Variants in BAHCC1 observed in about 807,000 individuals in gnomAD.
BAHCC1 encodes BAH and coiled-coil domain-containing protein 1.
A neutral mutation model predicts 88.2 loss-of-function variants in BAHCC1; 43 were observed. That is an observed-to-expected ratio of 0.49 (90% CI 0.38 to 0.63). The LOEUF (loss-of-function observed/expected upper bound fraction) is 0.63, where lower values mean the gene tolerates loss of function less well. Ranked by LOEUF, BAHCC1 falls within the 20% of genes least tolerant of loss-of-function variation. The pLI, the probability that BAHCC1 is intolerant of heterozygous loss-of-function variation, is 0.00. For synonymous variants in BAHCC1, 1,510 were observed against 745.5 expected (o/e 2.03, Z -16.71); for missense variants, 3,023 against 1,654.8 (o/e 1.83, Z -14.34).
chr17:81,446,593 G>A (rs370521178), intron 10 of BAHCC1: 5 of 201,568 alleles, frequency 2.5e-5, no homozygotes, highest in African/African-American at 1.5e-4. Flanking sequence ...ATGTCGCCCA[G>A]TCTGGAGTGC....
intron 14 of BAHCC1, among the ~76,000 whole-genome samples, chr17:81,455,024 G>C (rs1555656866): frequency 6.6e-6 from 1 of 152,226 alleles, no homozygotes; most frequent in African/African-American, 2.4e-5. Flanking sequence ...GCGGATTTGA[G>C]GATATAGGGA....
intron 2 of BAHCC1, among the ~76,000 whole-genome samples, chr17:81,416,968 C>T (rs976395387): frequency 2.0e-5 from 3 of 152,146 alleles, no homozygotes; most frequent in African/African-American, 7.2e-5. Flanking sequence ...AGGCCTTGCA[C>T]CCCCATCCGT....
At chr17:81,459,638 C>T (rs782000524) in intron 23 of BAHCC1, 34 bp downstream of exon 23, 2 of 778,554 alleles carry the variant, frequency 2.6e-6, no homozygotes, top group Non-Finnish European at 4.8e-6. Flanking sequence ...CTGGGGCAGG[C>T]CCCTCTGAGA....
chr17:81,433,626 C>T (rs2064296758), intron 3 of BAHCC1, among the ~76,000 whole-genome samples: 1 of 143,232 alleles, frequency 7.0e-6, no homozygotes, highest in Non-Finnish European at 1.5e-5. Flanking sequence ...ATCAGTCCAC[C>T]AAGGCCCCTC....
chr17:81,450,563 C>T (rs532333121), intron 11 of BAHCC1, among the ~76,000 whole-genome samples: 1 of 152,344 alleles, frequency 6.6e-6, no homozygotes, highest in East Asian at 1.9e-4. Flanking sequence ...TCCTCCTGAC[C>T]TGTGTTCAGC....
intron 4 of BAHCC1, among the ~76,000 whole-genome samples, chr17:81,438,740 A>G (rs1473714130): frequency 6.6e-6 from 1 of 152,124 alleles, no homozygotes; most frequent in Non-Finnish European, 1.5e-5. Context: ...CTCACTGCTC[A>G]GGTGGGAGCA....
chr17:81,458,166 G>A lies in BAHCC1; in HGVS notation c.5043G>A (p.Gly1681=), dbSNP rs1555657865. 5.6e-6 allele frequency: 4 copies of A among 717,796 alleles called. 1 individual carries two copies. The Middle Eastern group carries it at 7.0e-4, about 126-fold the overall frequency. The allele number at this position is 717,796 out of a possible 1,614,324, so 44.5% of individuals were successfully genotyped here. The change falls in exon 18 of 28, where the codon GGG becomes GGA. Residue 1681 remains glycine (G), a splice_region_variant and synonymous_variant. Coordinates refer to ENST00000675386, the MANE Select transcript of BAHCC1 (RefSeq NM_001377448.1). Reference sequence around the variant, plus strand: ...GACGGCCTCCTCTCCTTCCCACAGGGGCCTGCCGCCTGTCCAGCCCTGAGA... The same window carrying A: ...GACGGCCTCCTCTCCTTCCCACAGGAGCCTGCCGCCTGTCCAGCCCTGAGA... ...KKKKERQGLL[G]ACRLSSPESE...
At chr17:81,398,782 G>A (rs1306693295) in intron 1 of BAHCC1, among the ~76,000 whole-genome samples, 2 of 72,342 alleles carry the variant, frequency 2.8e-5, no homozygotes, top group Admixed American at 2.0e-4. Flanking sequence ...CGGGCCTCCG[G>A]GGCTCTGAGG....
chr17:81,444,183 T>G, intron 6 of BAHCC1, 198 bp from the exon 7 acceptor site: 1 of 605,962 alleles, frequency 1.7e-6, no homozygotes, highest in Non-Finnish European at 2.9e-6. Context: ...GCACTGAGGC[T>G]GGAGCCTGGG....
At chr17:81,439,398 A>C (rs1237086142) in intron 4 of BAHCC1, among the ~76,000 whole-genome samples, 2 of 151,702 alleles carry the variant, frequency 1.3e-5, no homozygotes, top group African/African-American at 4.8e-5. Flanking sequence ...GGAGGGATAG[A>C]GGGGTCTAGG....
Position 81,434,965 on chromosome 17 carries a change from G to C in BAHCC1, c.359-3405G>C, listed in dbSNP as rs561640299. On this transcript the variant is annotated intron_variant, in intron 3 of 27. Transcript: ENST00000675386. This position sits in a 1 kb window ranked among gnomAD's most constrained non-coding sequence, Gnocchi z 4.9. Reference sequence around the variant, plus strand: ...GGGCTCCTCCTCCCTCCCCAGGGGTGAGAAGCCACCAGGCCTCCCTTCTCC... The same window carrying C: ...GGGCTCCTCCTCCCTCCCCAGGGGTCAGAAGCCACCAGGCCTCCCTTCTCC... Among the ~76,000 whole-genome samples the C allele has an allele frequency of 6.6e-6, 1 of 152,036 alleles. No homozygotes were observed. The highest frequency in any genetic ancestry group is 1.5e-5 in the Non-Finnish European group (1 of 67,952).
At chr17:81,415,956 C>A (rs2064015488) in intron 2 of BAHCC1, among the ~76,000 whole-genome samples, 1 of 150,976 alleles carries the variant, frequency 6.6e-6, no homozygotes, top group African/African-American at 2.4e-5. Context: ...GCAGGCCAGG[C>A]TGGGAAACAA....
At chr17:81,445,272 T>C in intron 9 of BAHCC1, 82 bp from the exon 10 acceptor site, 1 of 722,338 alleles carries the variant, frequency 1.4e-6, no homozygotes, top group Non-Finnish European at 2.6e-6. Context: ...ATGCCTGGCC[T>C]CTGGCAGGAT....
Position 81,443,296 on chromosome 17 carries a change from A to T in BAHCC1, c.1947A>T (p.Lys649Asn), listed in dbSNP as rs782628225. 3 of 779,320 alleles carry T rather than the reference A, an allele frequency of 3.8e-6. No homozygotes were observed. In the South Asian group the frequency reaches 4.0e-5, roughly 10 times the overall value. 48.3% of individuals were successfully genotyped at this position (779,320 alleles called of 1,614,324 possible). ...GCCAGGCCCTGGTGGTGGGCCAGAA[A>T]GCACCCTTGGTGGGCCTGGGTGGCC... is the stretch of plus-strand genomic sequence containing the variant. ...YSSQALVVGQ[K>N]APLVGLGGLK... Residue 649 changes from lysine (K) to asparagine (N), a missense_variant, in exon 5 of 28, where the codon AAA becomes AAT. By Grantham distance (94) the Lys-to-Asn change is moderately conservative. Transcript: ENST00000675386.
rs781860334 is a variant in BAHCC1, at chr17:81,465,018, G to A, written c.*1201G>A. On this transcript the variant is annotated 3_prime_UTR_variant, in exon 28 of 28. Transcript: ENST00000675386. ...CACCAGATTCTCTCCTCACCCCCAA[G>A]CAGAATGCATGCAAAAGACACCCCT... is the stretch of plus-strand genomic sequence containing the variant. 2 of 152,332 alleles carry A rather than the reference G, an allele frequency of 1.3e-5. No individual in the cohort carries two copies. The highest frequency in any genetic ancestry group is 4.8e-5 in the African/African-American group (2 of 41,440). 9.4% of individuals were successfully genotyped at this position (152,332 alleles called of 1,614,324 possible).
At chr17:81,457,266 GCC>G (rs1343249182) in intron 16 of BAHCC1, 142 bp from the exon 17 acceptor site, 5 of 611,302 alleles carry the variant, frequency 8.2e-6, no homozygotes, top group Non-Finnish European at 1.5e-5. Flanking sequence ...CCCCAAAGCA[GCC>G]CCACAGAGCG....
chr17:81,409,795 G>A (rs1258571326), intron 2 of BAHCC1, among the ~76,000 whole-genome samples: 3 of 152,220 alleles, frequency 2.0e-5, no homozygotes, highest in Non-Finnish European at 2.9e-5. Flanking sequence ...CTCCCCAGCA[G>A]GCTGGGCTGT....
In BAHCC1 at chr17:81,422,287, A is replaced by C. The variant is rs138919748; in HGVS notation, c.179-4513A>C. On this transcript the variant is annotated intron_variant, in intron 2 of 27. Transcript: ENST00000675386. ...TGGCCTCCCAAAGTGCTGGGATTAC[A>C]GGCGTGAGCCACCGTGTCTGGTCTC... is the stretch of plus-strand genomic sequence containing the variant. Among the ~76,000 whole-genome samples, 771 of 152,366 alleles carry C rather than the reference A, an allele frequency of 5.1e-3. 4 individuals are homozygous for C. Among genetic ancestry groups the C allele is most frequent in the Non-Finnish European group, 8.4e-3 (570 of 68,038 alleles).
intron 2 of BAHCC1, among the ~76,000 whole-genome samples, chr17:81,415,179 G>A (rs1351167397): frequency 6.6e-6 from 1 of 152,214 alleles, no homozygotes; most frequent in East Asian, 1.9e-4. Flanking sequence ...TCTGAGACCC[G>A]TCCGCTGGCA....
Sources: allele counts gnomAD v4.1 joint callset (sites outside exome capture counted in the v4.1 genomes callset), GRCh38; gene constraint gnomAD v4.1.1; non-coding constraint Gnocchi (gnomAD v3.1); transcripts MANE v1.5; gene names NCBI Gene and HGNC (gene_info 2026-07-23, HGNC 2026-07-21).